Variants in STXBP5 observed in about 807,000 individuals in gnomAD.
STXBP5 encodes syntaxin-binding protein 5.
Under a neutral mutation model 152.4 loss-of-function variants are expected in STXBP5, and 50 were observed. The ratio of observed to expected loss-of-function variants is 0.33; its 90% CI spans 0.26 to 0.42. The LOEUF is 0.42. Ranked by LOEUF, STXBP5 falls within the 10% of genes least tolerant of loss-of-function variation. The pLI, the probability that STXBP5 is intolerant of heterozygous loss-of-function variation, is 1.00. For synonymous variants in STXBP5, 492 were observed against 494.7 expected, an observed-to-expected ratio of 0.99 and a Z score of 0.07; for missense variants, 1,167 against 1,388.6, an observed-to-expected ratio of 0.84 and a Z score of 2.54.
chr6:147,364,114 C>T lies in STXBP5; in HGVS notation c.3029C>T (p.Pro1010Leu). Residue 1010 changes from proline to leucine, a missense_variant, in exon 25 of 28, where the codon CCT (proline) becomes CTT (leucine). By Grantham distance (98) the Pro-to-Leu change is moderately conservative (BLOSUM62 -3). This residue lies in a region of STXBP5 where 833 missense variants were observed against 986.3 expected (regional missense o/e 0.84). Coordinates refer to ENST00000321680, the MANE Select transcript of STXBP5 (RefSeq NM_001127715.4). ...NNGQALYLVS[P>L]TEIQRLTYSQ... ...GGACAAGCATTATACCTTGTTTCAC[C>T]TACAGAAATCCAGAGACTTACTTAT... The T allele has an allele frequency of 1.2e-6, 2 of 1,613,840 alleles. No individual in the cohort carries two copies. Among genetic ancestry groups the T allele is most frequent in the Non-Finnish European group, 1.7e-6 (2 of 1,179,918 alleles).
rs1308415614 is a variant in STXBP5 at position 147,382,862 on chromosome 6, C to T, written c.3278C>T (p.Ala1093Val). 1 of 1,613,458 alleles carries T rather than the reference C, an allele frequency of 6.2e-7. No homozygotes were observed. Among genetic ancestry groups the T allele is most frequent in the East Asian group, 2.2e-5 (1 of 44,848 alleles). Residue 1093 changes from alanine to valine, a missense_variant, in exon 27 of 28, where the codon GCA (alanine) becomes GTA (valine). Ala to Val is a moderately conservative substitution (Grantham distance 64). Coordinates refer to ENST00000321680, the MANE Select transcript of STXBP5 (RefSeq NM_001127715.4). ...GPGGIEGVKG[A>V]ASGVVGELAR... The stretch of plus-strand genomic sequence containing the variant: ...GGTGGCATTGAAGGCGTAAAAGGGG[C>T]AGCATCTGGAGTTGTTGGTGAATTA...
intron 2 of STXBP5, among the ~76,000 whole-genome samples, chr6:147,227,392 A>T (rs961895834): frequency 9.2e-5 from 14 of 152,156 alleles, no homozygotes; most frequent in African/African-American, 3.4e-4. Flanking sequence ...CCCCAGAAGG[A>T]TCCATTTAAC....
intron 2 of STXBP5, among the ~76,000 whole-genome samples, chr6:147,219,791 A>G (rs1582800761): frequency 7.1e-6 from 1 of 140,458 alleles, no homozygotes; most frequent in Admixed American, 7.1e-5. Context: ...TAGCATGGCT[A>G]GAAGCTTGTT....
chr6:147,347,708 A>C (rs1273632029), intron 21 of STXBP5, among the ~76,000 whole-genome samples: 1 of 152,220 alleles, frequency 6.6e-6, no homozygotes, highest in Non-Finnish European at 1.5e-5. Context: ...AATGTTTTAC[A>C]CAGTGTATTT....
chr6:147,365,583 AC>A (rs1785254853), intron 25 of STXBP5, among the ~76,000 whole-genome samples: 3 of 152,174 alleles, frequency 2.0e-5, no homozygotes, highest in Admixed American at 6.5e-5. Flanking sequence ...TTAGTAGTAA[AC>A]TATATTTTAA....
chr6:147,286,494 T>C (rs1005958261), intron 8 of STXBP5, among the ~76,000 whole-genome samples: 4 of 152,220 alleles, frequency 2.6e-5, no homozygotes, highest in Non-Finnish European at 5.9e-5. Context: ...TTGTACACTT[T>C]AAGTAGTGTA....
chr6:147,371,977 A>G (rs1028428006), intron 25 of STXBP5, among the ~76,000 whole-genome samples: 3 of 152,202 alleles, frequency 2.0e-5, no homozygotes, highest in African/African-American at 7.2e-5. Context: ...GATTTAAAAT[A>G]TGCCTAAAAT....
rs143033179 is a variant in STXBP5 at position 147,332,039 on chromosome 6, A to G, written c.2081-2118A>G. On this transcript the variant is annotated intron_variant, in intron 18 of 27. Transcript: ENST00000321680. ...ACATAGTAAGTATTCAGTAAATGTC[A>G]CTTAAGACCACTTAGCTAATTGGGT... Among the ~76,000 whole-genome samples the G allele has an allele frequency of 1.1e-3, 175 of 152,328 alleles. 4 individuals are homozygous for G. In the South Asian group the frequency reaches 0.032, roughly 28 times the overall value.
chr6:147,311,588 A>G lies in STXBP5; in HGVS notation c.1145+61A>G. 4 of 1,262,410 alleles carry G rather than the reference A, an allele frequency of 3.2e-6. No individual in the cohort carries two copies. In the South Asian group the frequency reaches 3.8e-5, roughly 12 times the overall value. The allele number at this position is 1,262,410 out of a possible 1,614,324, so 78.2% of individuals were successfully genotyped here. On this transcript the variant is annotated intron_variant, in intron 11 of 27. Transcript: ENST00000321680. Reference sequence around the variant, plus strand: ...ATGTGGTTGAAAAAAGATGCCTTTTATCATAGCATTAGCTATTTCATTTCT... The same window carrying G: ...ATGTGGTTGAAAAAAGATGCCTTTTGTCATAGCATTAGCTATTTCATTTCT...
chr6:147,278,007 A>G, intron 7 of STXBP5, 74 bp from the exon 8 acceptor site: 1 of 1,308,114 alleles, frequency 7.6e-7, no homozygotes, highest in Non-Finnish European at 1.0e-6. Context: ...AATGAAAATT[A>G]ATAGATGAGA....
In STXBP5 at chr6:147,262,269, TACTA is replaced by T. The variant is rs1317235170; in HGVS notation, c.567-17_567-14del. On this transcript the variant is annotated splice_polypyrimidine_tract_variant and intron_variant, in intron 5 of 27. Coordinates refer to ENST00000321680, the MANE Select transcript of STXBP5 (RefSeq NM_001127715.4). ...AAATTCTTAACTGAAGAGAAAATCT[TACTA>T]ACTTTTTCTTTTTTAGGTCATCTAA... 2.7e-6 allele frequency: 4 copies of T among 1,499,348 alleles called. No homozygotes were observed. Among genetic ancestry groups the T allele is most frequent in the Non-Finnish European group, 2.7e-6 (3 of 1,112,100 alleles). The allele number at this position is 1,499,348 out of a possible 1,614,324, so 92.9% of individuals were successfully genotyped here. A position where few individuals can be genotyped will look rare whatever the true frequency, so the allele number is the denominator to read the frequency against.
chr6:147,273,389 T>TGA, intron 7 of STXBP5, among the ~76,000 whole-genome samples: 1 of 152,030 alleles, frequency 6.6e-6, no homozygotes, highest in Non-Finnish European at 1.5e-5. Flanking sequence ...AATATTCCTT[T>TGA]TGTAGTAATC....
At position 147,388,404 on chromosome 6, in the gene STXBP5, C is replaced by T. The variant is rs929748633; in HGVS notation, c.*3649C>T. 6.6e-6 allele frequency: 1 copy of T among 151,538 alleles called. No individual in the cohort carries two copies. Among genetic ancestry groups the T allele is most frequent in the Non-Finnish European group, 1.5e-5 (1 of 67,664 alleles). The allele number at this position is 151,538 out of a possible 1,614,324, so 9.4% of individuals were successfully genotyped here. ...GATTTGTTTTAAGATCATACAGTAA[C>T]ATGTTATATTTATACATACTGCTAG... On this transcript the variant is annotated 3_prime_UTR_variant, in exon 28 of 28. Transcript: ENST00000321680.
At chr6:147,239,101 C>A (rs1337469700) in intron 3 of STXBP5, 69 bp from the exon 4 acceptor site, 6 of 1,341,686 alleles carry the variant, frequency 4.5e-6, no homozygotes, top group East Asian at 4.8e-5. Flanking sequence ...ATATTTCTGG[C>A]AGCTATTGAG....
intron 16 of STXBP5, among the ~76,000 whole-genome samples, chr6:147,320,994 T>A (rs1782909035): frequency 6.6e-6 from 1 of 152,152 alleles, no homozygotes; most frequent in Admixed American, 6.5e-5. Context: ...AAGGACCAAT[T>A]TTTGGAGACA....
intron 4 of STXBP5, among the ~76,000 whole-genome samples, chr6:147,254,061 A>G (rs780282915): frequency 6.6e-6 from 1 of 152,180 alleles, no homozygotes; most frequent in Non-Finnish European, 1.5e-5. Flanking sequence ...GCTAGAATAG[A>G]ACCAAAATAG....
In STXBP5 at chr6:147,319,608, CTT is replaced by C. The variant is rs139053471; in HGVS notation, c.1802+3202_1802+3203del. On this transcript the variant is annotated intron_variant, in intron 16 of 27. Coordinates refer to ENST00000321680, the MANE Select transcript of STXBP5 (RefSeq NM_001127715.4). ...TTTATAAATTCATTTTATCTTGAGA[CTT>C]AATATTTTAAGGGACAGTTCTTTTT... Among the ~76,000 whole-genome samples, 1,287 of 152,114 alleles carry C rather than the reference CTT, an allele frequency of 8.5e-3. 15 individuals are homozygous for C. The highest frequency in any genetic ancestry group is 0.028 in the African/African-American group (1,146 of 41,500).
At chr6:147,375,963 CAAAT>C (rs1344922040) in intron 26 of STXBP5, among the ~76,000 whole-genome samples, 2 of 151,900 alleles carry the variant, frequency 1.3e-5, no homozygotes. Flanking sequence ...CATTTTTAGA[CAAAT>C]AAGTAAACCT....
intron 4 of STXBP5, among the ~76,000 whole-genome samples, chr6:147,250,736 G>A (rs1011457630): frequency 2.6e-5 from 4 of 152,168 alleles, no homozygotes; most frequent in Admixed American, 6.5e-5. Context: ...ATTGTTGGAT[G>A]TATCATGACA....
Sources: allele counts gnomAD v4.1 joint callset (sites outside exome capture counted in the v4.1 genomes callset), GRCh38; gene constraint gnomAD v4.1.1; regional missense constraint gnomAD v4.1.1; transcripts MANE v1.5; gene names NCBI Gene and HGNC (gene_info 2026-07-23, HGNC 2026-07-21).